GNA14: variants seen among roughly 807,000 people sequenced by gnomAD.
GNA14 encodes the protein G protein subunit alpha 14, also known as guanine nucleotide-binding protein subunit alpha-14.
A neutral mutation model predicts 42.0 loss-of-function variants in GNA14; 50 were observed. The ratio of observed to expected loss-of-function variants is 1.19; its 90% confidence interval spans 0.95 to 1.51. The LOEUF is 1.51. Among genes scored for constraint, GNA14 ranks in the 40% most tolerant of loss-of-function variants. The pLI, the probability that GNA14 is intolerant of heterozygous loss-of-function variation, is 0.00. For missense variants in GNA14, 473 were observed against 446.2 expected (o/e 1.06, Z -0.54); for synonymous variants, 173 against 163.1 (o/e 1.06, Z -0.46).
chr9:77,490,279 C>T (rs964352912), intron 2 of GNA14, among the ~76,000 whole-genome samples: 8 of 152,338 alleles, frequency 5.3e-5, no homozygotes, highest in African/African-American at 1.7e-4. Context: ...GATATAAAGA[C>T]TCTCCACGTC....
At chr9:77,450,871 T>C (rs1835891233) in intron 2 of GNA14, among the ~76,000 whole-genome samples, 1 of 152,036 alleles carries the variant, frequency 6.6e-6, no homozygotes, top group Admixed American at 6.6e-5. Context: ...GCTCACAAGA[T>C]CTGACGGTTT....
At chr9:77,628,692 A>G (rs1824049925) in intron 1 of GNA14, among the ~76,000 whole-genome samples, 1 of 152,338 alleles carries the variant, frequency 6.6e-6, no homozygotes, top group Middle Eastern at 3.4e-3. Flanking sequence ...CATATGCAGA[A>G]AACTGAAACT....
chr9:77,450,916 C>A (rs1367140125), intron 2 of GNA14, among the ~76,000 whole-genome samples: 1 of 152,052 alleles, frequency 6.6e-6, no homozygotes, highest in Non-Finnish European at 1.5e-5. Context: ...CACTGTCTTG[C>A]CTGCTGCCAT....
At chr9:77,555,277 G>A (rs536167547) in intron 1 of GNA14, among the ~76,000 whole-genome samples, 3 of 152,186 alleles carry the variant, frequency 2.0e-5, no homozygotes, top group South Asian at 2.1e-4. Context: ...AGGCTGAGGC[G>A]GGTGGATCAT....
chr9:77,520,827 T>C (rs1837345682), intron 2 of GNA14, among the ~76,000 whole-genome samples: 1 of 152,246 alleles, frequency 6.6e-6, no homozygotes, highest in Non-Finnish European at 1.5e-5. Flanking sequence ...CATTAGGTTT[T>C]AAAAGCATTT....
intron 1 of GNA14, among the ~76,000 whole-genome samples, chr9:77,570,877 TA>T (rs1472857259): frequency 6.6e-6 from 1 of 150,962 alleles, no homozygotes; most frequent in Non-Finnish European, 1.5e-5. Flanking sequence ...TCTCAAATTT[TA>T]ATGTTTCTGA....
chr9:77,556,364 G>A (rs550037883), intron 1 of GNA14, among the ~76,000 whole-genome samples: 3 of 152,234 alleles, frequency 2.0e-5, no homozygotes, highest in East Asian at 1.9e-4. Flanking sequence ...TGGGGTGGGG[G>A]CAGAGATCAT....
At chr9:77,494,530 G>C (rs186014762) in intron 2 of GNA14, among the ~76,000 whole-genome samples, 1 of 152,110 alleles carries the variant, frequency 6.6e-6, no homozygotes, top group African/African-American at 2.4e-5. Context: ...TAAGGGTACT[G>C]AAGTGTCCTG....
chr9:77,559,283 T>C (rs1822842602), intron 1 of GNA14, among the ~76,000 whole-genome samples: 3 of 152,126 alleles, frequency 2.0e-5, no homozygotes, highest in African/African-American at 2.4e-5. Flanking sequence ...AGCTCCACCT[T>C]TGACAACCAG....
At chr9:77,631,820 C>T (rs980039997) in intron 1 of GNA14, among the ~76,000 whole-genome samples, 5 of 152,162 alleles carry the variant, frequency 3.3e-5, no homozygotes, top group African/African-American at 1.2e-4. Flanking sequence ...CTGGAGCAGC[C>T]GCTGCCATCA....
rs112981382 is a variant in GNA14 at position 77,523,164 on chromosome 9, G to T, written c.309+5905C>A. Reference sequence around the variant, plus strand: ...ATAATCCCCTTACCGTTTAATTATTGTATTTGTCCATTCTTGCATTGCTAA... The same window carrying T: ...ATAATCCCCTTACCGTTTAATTATTTTATTTGTCCATTCTTGCATTGCTAA... On this transcript the variant is annotated intron_variant, in intron 2 of 6. Transcript: ENST00000341700. Among the ~76,000 whole-genome samples the T allele has an allele frequency of 3.9e-3, 598 of 152,242 alleles. 6 individuals are homozygous for T. Among genetic ancestry groups the T allele is most frequent in the African/African-American group, 0.014 (571 of 41,536 alleles).
At chr9:77,623,548 T>C (rs1053209908) in intron 1 of GNA14, among the ~76,000 whole-genome samples, 4 of 152,144 alleles carry the variant, frequency 2.6e-5, no homozygotes, top group Non-Finnish European at 5.9e-5. Flanking sequence ...GGCAGGTGAT[T>C]TCTGCATTTC....
At chr9:77,616,467 G>T (rs1370264746) in intron 1 of GNA14, among the ~76,000 whole-genome samples, 4 of 152,208 alleles carry the variant, frequency 2.6e-5, no homozygotes, top group African/African-American at 7.2e-5. Flanking sequence ...GAGGTCAGGA[G>T]TACCACCAGA....
chr9:77,626,675 G>A (rs1337525483), intron 1 of GNA14, among the ~76,000 whole-genome samples: 1 of 152,130 alleles, frequency 6.6e-6, no homozygotes, highest in East Asian at 1.9e-4. Context: ...AAATAAATAA[G>A]TTATTTGAAA....
chr9:77,503,668 T>C (rs188618828), intron 2 of GNA14, among the ~76,000 whole-genome samples: 3 of 151,748 alleles, frequency 2.0e-5, no homozygotes, highest in African/African-American at 7.3e-5. Flanking sequence ...TTTTTTTTTT[T>C]TGAGACAGAG....
rs1163590134 is a variant in GNA14 at position 77,618,620 on chromosome 9, A to AT, written c.124+29049dup. 1.5e-3 allele frequency among the ~76,000 whole-genome samples: 16 copies of AT among 10,422 alleles called. 1 individual carries two copies. The highest frequency in any genetic ancestry group is 2.2e-3 in the Admixed American group (1 of 456). 6.8% of individuals were successfully genotyped at this position (10,422 alleles called of 152,430 possible). ...TATATATATATATATATATATATAT[A>AT]TTTTTTTTTTTTTTTTTTTTTTTTT... On this transcript the variant is annotated intron_variant, in intron 1 of 6. Transcript: ENST00000341700.
In GNA14 at chr9:77,518,525, G is replaced by A. The variant is rs142617738; in HGVS notation, c.309+10544C>T. Among the ~76,000 whole-genome samples the A allele has an allele frequency of 8.9e-3, 1,350 of 152,084 alleles. 20 individuals are homozygous for A. Among genetic ancestry groups the A allele is most frequent in the African/African-American group, 0.031 (1,287 of 41,486 alleles). On this transcript the variant is annotated intron_variant, in intron 2 of 6. Coordinates refer to ENST00000341700, the MANE Select transcript of GNA14 (RefSeq NM_004297.4). Reference sequence around the variant, plus strand: ...GGGCTGCCACTGGTCTGTCATAATGGTCTCCCACATGCCATCTTTCAACCA... The same window carrying A: ...GGGCTGCCACTGGTCTGTCATAATGATCTCCCACATGCCATCTTTCAACCA...
intron 2 of GNA14, among the ~76,000 whole-genome samples, chr9:77,476,485 G>A (rs1836425450): frequency 6.6e-6 from 1 of 152,174 alleles, no homozygotes; most frequent in Admixed American, 6.5e-5. Context: ...CTCCCACACA[G>A]GAGTGTAGAG....
chr9:77,579,376 C>A (rs1297193031), intron 1 of GNA14, among the ~76,000 whole-genome samples: 1 of 151,936 alleles, frequency 6.6e-6, no homozygotes, highest in Non-Finnish European at 1.5e-5. Context: ...AAGTCCTGCC[C>A]TTCCCCAACA....
Sources: gnomAD v4.1 joint callset for allele counts (sites outside exome capture counted in the v4.1 genomes callset) on GRCh38, gnomAD v4.1.1 for gene constraint, MANE v1.5 for transcripts, NCBI Gene and HGNC (gene_info 2026-07-23, HGNC 2026-07-21) for gene names.